SSPN: variants seen among roughly 807,000 people sequenced by gnomAD.
SSPN encodes sarcospan.
A neutral mutation model predicts 19.1 loss-of-function variants in SSPN; 15 were observed. The observed-to-expected ratio is 0.78, with a 90% confidence interval of 0.52 to 1.21. SSPN has a LOEUF of 1.21. Among genes scored for constraint, SSPN ranks in the 50% most tolerant of loss-of-function variants. The probability of loss-of-function intolerance (pLI) is 0.00; values close to 1 mark genes in which losing one functional copy is unlikely to be tolerated. For missense variants in SSPN, 291 were observed against 314.0 expected (o/e 0.93, Z 0.55); for synonymous variants, 147 against 140.3 (o/e 1.05, Z -0.34).
intron 2 of SSPN, among the ~76,000 whole-genome samples, chr12:26,225,027 A>G (rs1945162699): frequency 6.6e-6 from 1 of 152,204 alleles, no homozygotes; most frequent in Non-Finnish European, 1.5e-5. Flanking sequence ...AAGGACATAG[A>G]CATAGAACTT....
intron 1 of SSPN, among the ~76,000 whole-genome samples, chr12:26,181,715 C>T (rs953485049): frequency 5.3e-5 from 8 of 152,002 alleles, no homozygotes; most frequent in Non-Finnish European, 8.8e-5. Flanking sequence ...TGAGATAAAT[C>T]GACTGACAGA....
chr12:26,123,319 T>G, intron 1 of SSPN: 1 of 1,200,230 alleles, frequency 8.3e-7, no homozygotes, highest in Non-Finnish European at 1.1e-6. Context: ...AATCCACCAG[T>G]TGACGAGAGA....
chr12:26,179,049 G>A (rs972288921), intron 1 of SSPN, among the ~76,000 whole-genome samples: 5 of 152,276 alleles, frequency 3.3e-5, no homozygotes, highest in African/African-American at 1.2e-4. Context: ...TTGCAAAGGA[G>A]AAGCAAAGTT....
At chr12:26,125,535 G>C (rs970042855) in intron 1 of SSPN, 4 of 153,796 alleles carry the variant, frequency 2.6e-5, no homozygotes, top group African/African-American at 9.7e-5. Flanking sequence ...ACTCCTTGGC[G>C]CTGGGTGGAG....
rs1301677617 is a variant in SSPN at position 26,232,837 on chromosome 12, G to A, written c.*1761G>A. 5 of 489,170 alleles carry A rather than the reference G, an allele frequency of 1.0e-5. No individual in the cohort carries two copies. The highest frequency in any genetic ancestry group is 1.3e-5 in the Non-Finnish European group (5 of 378,542). 30.3% of individuals were successfully genotyped at this position (489,170 alleles called of 1,614,324 possible). ...AAAAAGACACATTGGAGAGCTTAGA[G>A]GATAAGTCTCTGGAGCAGAATTTAT... On this transcript the variant is annotated 3_prime_UTR_variant, in exon 3 of 3. Coordinates refer to ENST00000242729, the MANE Select transcript of SSPN (RefSeq NM_005086.5).
Position 26,232,683 on chromosome 12 carries a change from A to C in SSPN, c.*1607A>C. 1 of 985,198 alleles carries C rather than the reference A, an allele frequency of 1.0e-6. No individual in the cohort carries two copies. The highest frequency in any genetic ancestry group is 1.2e-6 in the Non-Finnish European group (1 of 829,740). The allele number at this position is 985,198 out of a possible 1,614,324, so 61.0% of individuals were successfully genotyped here. A position where few individuals can be genotyped will look rare whatever the true frequency, so the allele number is the denominator to read the frequency against. Reference sequence around the variant, plus strand: ...AATATCCAGTATAAAGGAAAGCGTTAAGTCGGTAAGCTAGAGGATTGTAAA... The same window carrying C: ...AATATCCAGTATAAAGGAAAGCGTTCAGTCGGTAAGCTAGAGGATTGTAAA... On this transcript the variant is annotated 3_prime_UTR_variant, in exon 3 of 3. Coordinates refer to ENST00000242729, the MANE Select transcript of SSPN (RefSeq NM_005086.5).
rs1945224766 is a variant in SSPN, at chr12:26,230,949, A to G, written c.605A>G (p.Asn202Ser). 2.5e-6 allele frequency: 4 copies of G among 1,613,976 alleles called. No individual in the cohort carries two copies. Among genetic ancestry groups the G allele is most frequent in the Non-Finnish European group, 3.4e-6 (4 of 1,180,028 alleles). ...TTCTTACTCATCCAGATGATTCTTA[A>G]TTTGGTCTGCGGCCTTGTGTGCTTG... ...KLFLLIQMIL[N>S]LVCGLVCLLA... The change falls in exon 3 of 3, where the codon AAT becomes AGT. Residue 202 changes from asparagine (N) to serine (S), a missense_variant. By Grantham distance (46) the Asn-to-Ser change is conservative. Around this residue, in one of 3 missense-constraint regions of SSPN, gnomAD observed 141 missense variants for 166.7 expected, o/e 0.85. Transcript: ENST00000242729.
intron 1 of SSPN, among the ~76,000 whole-genome samples, chr12:26,173,212 A>G (rs1382677679): frequency 1.3e-5 from 2 of 152,198 alleles, no homozygotes; most frequent in Non-Finnish European, 2.9e-5. Flanking sequence ...CTGCCATTCT[A>G]GGAGTGTCTG....
At chr12:26,137,448 T>C (rs1172439051) in intron 1 of SSPN, among the ~76,000 whole-genome samples, 18 of 151,932 alleles carry the variant, frequency 1.2e-4, no homozygotes. Context: ...GAATACCTGT[T>C]TGCCTAGTTG....
chr12:26,159,214 T>G (rs551264495), intron 1 of SSPN, among the ~76,000 whole-genome samples: 8 of 152,326 alleles, frequency 5.3e-5, no homozygotes, highest in Non-Finnish European at 1.2e-4. Context: ...GGTGTGACCC[T>G]GCTGGGACAT....
rs1565689316 is a variant in SSPN at position 26,212,822 on chromosome 12, T to C, written c.280-11471T>C. Among the ~76,000 whole-genome samples, 4 of 152,250 alleles carry C rather than the reference T, an allele frequency of 2.6e-5. No individual in the cohort carries two copies. In the Middle Eastern group the frequency reaches 0.014, roughly 518 times the overall value. Reference sequence around the variant, plus strand: ...ATTTTGTTCACAGTGAAAAAGAAGCTTCTATTTTGAGCTTGGTTAGATAAA... The same window carrying C: ...ATTTTGTTCACAGTGAAAAAGAAGCCTCTATTTTGAGCTTGGTTAGATAAA... On this transcript the variant is annotated intron_variant, in intron 1 of 2. Coordinates refer to ENST00000242729, the MANE Select transcript of SSPN (RefSeq NM_005086.5).
chr12:26,179,137 T>C (rs1478465644), intron 1 of SSPN, among the ~76,000 whole-genome samples: 1 of 152,034 alleles, frequency 6.6e-6, no homozygotes, highest in Non-Finnish European at 1.5e-5. Flanking sequence ...TGGAGGAAAC[T>C]ACAAAGGCTG....
chr12:26,218,484 A>G (rs1226500975), intron 1 of SSPN, among the ~76,000 whole-genome samples: 3 of 151,028 alleles, frequency 2.0e-5, no homozygotes, highest in Non-Finnish European at 4.4e-5. Flanking sequence ...AACTTAAAGT[A>G]TAATTAAAAA....
chr12:26,159,813 G>A (rs1170829771), intron 1 of SSPN, among the ~76,000 whole-genome samples: 2 of 152,296 alleles, frequency 1.3e-5, no homozygotes, highest in South Asian at 2.1e-4. Context: ...GCATTCGAGC[G>A]GCAGCAAATG....
At chr12:26,209,601 A>G (rs888802338) in intron 1 of SSPN, among the ~76,000 whole-genome samples, 3 of 151,774 alleles carry the variant, frequency 2.0e-5, no homozygotes, top group Non-Finnish European at 4.4e-5. Flanking sequence ...TACTGCCAGC[A>G]ATTTTAATTT....
Position 26,166,623 on chromosome 12 carries a change from C to A in SSPN, c.-31+44471C>A, listed in dbSNP as rs1047522921. Among the ~76,000 whole-genome samples the A allele has an allele frequency of 1.1e-4, 16 of 152,220 alleles. 1 individual carries two copies. The highest frequency in any genetic ancestry group is 3.6e-4 in the African/African-American group (15 of 41,458). ...AATGAAAACGAATTATATTTCATGACACATTGGAAACTAAACAAATTCAAA... is the reference window on the plus strand; with the variant it reads ...AATGAAAACGAATTATATTTCATGAAACATTGGAAACTAAACAAATTCAAA... On this transcript the variant is annotated intron_variant, in intron 1 of 2. Transcript: ENST00000538142.
chr12:26,220,247 C>CAA (rs58022147), intron 1 of SSPN, among the ~76,000 whole-genome samples: 35,150 of 113,834 alleles, frequency 0.31, 6,340 homozygotes, highest in Non-Finnish European at 0.41. Flanking sequence ...AAGCTGTAGG[C>CAA]AAAAAAAAAA....
In SSPN at chr12:26,161,107, CAAA is replaced by C. The variant is rs35876807; in HGVS notation, c.-31+38975_-31+38977del. Among the ~76,000 whole-genome samples the C allele has an allele frequency of 6.3e-3, 620 of 97,896 alleles. 9 individuals carry two copies. The highest frequency in any genetic ancestry group is 0.022 in the African/African-American group (574 of 26,440). The allele number at this position is 97,896 out of a possible 152,430, so 64.2% of individuals were successfully genotyped here. A position where few individuals can be genotyped will look rare whatever the true frequency, so the allele number is the denominator to read the frequency against. ...TGGGTGACAGAGAAAGACTCTGTCT[CAAA>C]AAAAAAAAAAAAAAAAAAATCAAAG... On this transcript the variant is annotated intron_variant, in intron 1 of 2. Coordinates refer to the SSPN transcript ENST00000538142.
intron 1 of SSPN, among the ~76,000 whole-genome samples, chr12:26,127,865 C>T (rs1323452648): frequency 1.3e-5 from 2 of 152,184 alleles, no homozygotes; most frequent in Non-Finnish European, 2.9e-5. Flanking sequence ...AGTTTGATGC[C>T]TCTGAATATC....
Sources: gnomAD v4.1 joint callset for allele counts (sites outside exome capture counted in the v4.1 genomes callset) on GRCh38, gnomAD v4.1.1 for gene constraint, gnomAD v4.1.1 regional missense constraint, MANE v1.5 for transcripts, NCBI Gene and HGNC (gene_info 2026-07-23, HGNC 2026-07-21) for gene names.